Variants in CETN3 observed in about 807,000 individuals in gnomAD.
CETN3 encodes the protein centrin 3, also known as centrin-3.
In CETN3, 17 loss-of-function variants were observed where a neutral mutation model predicts 20.1. The ratio of observed to expected loss-of-function variants is 0.85; its 90% CI spans 0.58 to 1.27. The LOEUF (loss-of-function observed/expected upper bound fraction) is 1.27. CETN3 is among the 50% of genes most tolerant of loss of function. CETN3 has a pLI of 0.00. For missense variants in CETN3, 169 were observed against 191.2 expected (o/e 0.88, Z 0.69); for synonymous variants, 52 against 59.7 (o/e 0.87, Z 0.59).
At chr5:90,403,863 T>G (rs1749365833) in intron 3 of CETN3, among the ~76,000 whole-genome samples, 1 of 105,672 alleles carries the variant, frequency 9.5e-6, no homozygotes, top group Admixed American at 1.2e-4. Flanking sequence ...AGAGCGAGAC[T>G]CTGTCTCAAA....
At chr5:90,394,293 T>C (rs1749090993) in intron 4 of CETN3, among the ~76,000 whole-genome samples, 186 bp from the exon 5 acceptor site, 1 of 152,066 alleles carries the variant, frequency 6.6e-6, no homozygotes, top group Non-Finnish European at 1.5e-5. Flanking sequence ...ATGTAACTTC[T>C]TGGATGCAAA....
intron 1 of CETN3, among the ~76,000 whole-genome samples, chr5:90,409,029 G>A (rs150829238): frequency 6.6e-6 from 1 of 152,196 alleles, no homozygotes; most frequent in East Asian, 1.9e-4. Flanking sequence ...TCGGAGTGTC[G>A]TAAGTGTATG....
intron 4 of CETN3, chr5:90,395,842 G>A (rs368350452): frequency 8.0e-6 from 7 of 879,884 alleles, no homozygotes; most frequent in East Asian, 2.4e-4. Context: ...AAAAAATGTT[G>A]AGGAGATAAA....
chr5:90,407,856 C>G (rs1442299584), intron 1 of CETN3, 22 bp from the exon 2 acceptor site: 1 of 1,542,544 alleles, frequency 6.5e-7, no homozygotes, highest in South Asian at 1.3e-5. Context: ...AAAGAAAAAG[C>G]CCTTAGTCCA....
chr5:90,397,707 T>A (rs1417723951), intron 4 of CETN3, among the ~76,000 whole-genome samples: 1 of 152,138 alleles, frequency 6.6e-6, no homozygotes, highest in Non-Finnish European at 1.5e-5. Flanking sequence ...AATATTACGT[T>A]TAAAAGCACA....
At chr5:90,394,267 G>A (rs537857012) in intron 4 of CETN3, among the ~76,000 whole-genome samples, 160 bp from the exon 5 acceptor site, 7 of 151,890 alleles carry the variant, frequency 4.6e-5, no homozygotes, top group Non-Finnish European at 8.8e-5. Flanking sequence ...GTTAGGAAGT[G>A]GAACATGTTT....
chr5:90,399,301 T>C, intron 4 of CETN3, 57 bp downstream of exon 4: 1 of 1,536,178 alleles, frequency 6.5e-7, no homozygotes, highest in South Asian at 1.1e-5. Flanking sequence ...TTTAGAAAAA[T>C]GTATTACATG....
chr5:90,400,147 T>C (rs1182215722), intron 3 of CETN3, among the ~76,000 whole-genome samples: 1 of 152,102 alleles, frequency 6.6e-6, no homozygotes, highest in African/African-American at 2.4e-5. Flanking sequence ...TTTTCCAAAA[T>C]TTACAAAGTA....
At chr5:90,409,369 C>T (rs1221180383) in intron 1 of CETN3, among the ~76,000 whole-genome samples, 1 of 152,156 alleles carries the variant, frequency 6.6e-6, no homozygotes, top group Non-Finnish European at 1.5e-5. Context: ...TATTTCATTC[C>T]CACCTCGCTC....
chr5:90,409,749 C>G lies in CETN3; in HGVS notation c.-88G>C, dbSNP rs909216925. 1.1e-5 allele frequency: 16 copies of G among 1,501,818 alleles called. No individual in the cohort carries two copies. Among genetic ancestry groups the G allele is most frequent in the Admixed American group, 3.3e-5 (2 of 59,748 alleles). The allele number at this position is 1,501,818 out of a possible 1,614,324, so 93.0% of individuals were successfully genotyped here. On this transcript the variant is annotated 5_prime_UTR_variant, in exon 1 of 5. Transcript: ENST00000283122. ...GACGCCCACAGCCGTTCAACAGACA[C>G]GAACGACCTCAGCGGCCTCAGGGAC... is the stretch of plus-strand genomic sequence containing the variant.
chr5:90,399,954 C>T (rs917577356), intron 3 of CETN3, among the ~76,000 whole-genome samples: 3 of 152,180 alleles, frequency 2.0e-5, no homozygotes, highest in Admixed American at 2.0e-4. Context: ...TTGGAGCTAA[C>T]TAAATAAAAG....
In CETN3 at chr5:90,392,453, A is replaced by G. The variant is rs959378160; in HGVS notation, c.*1611T>C. On this transcript the variant is annotated 3_prime_UTR_variant, in exon 5 of 5. Transcript: ENST00000283122. ...TAGTTAACCTGCTGATATAGTTTGT[A>G]TATCTGTCCCCACTCAAATATCATG... 4.6e-5 allele frequency: 7 copies of G among 152,184 alleles called. No homozygotes were observed. The highest frequency in any genetic ancestry group is 1.4e-4 in the African/African-American group (6 of 41,444). The allele number at this position is 152,184 out of a possible 1,614,324, so 9.4% of individuals were successfully genotyped here.
intron 3 of CETN3, among the ~76,000 whole-genome samples, chr5:90,405,063 A>T (rs927633279): frequency 1.3e-5 from 2 of 152,154 alleles, no homozygotes; most frequent in Non-Finnish European, 2.9e-5. Flanking sequence ...CCTATGACAC[A>T]TTATCTTCAG....
At chr5:90,406,840 C>CAAAA (rs762527758) in intron 2 of CETN3, among the ~76,000 whole-genome samples, 11 of 61,712 alleles carry the variant, frequency 1.8e-4, no homozygotes, top group East Asian at 9.6e-4. Context: ...TCTGGGTAAC[C>CAAAA]AAAAAAAAAA....
intron 3 of CETN3, among the ~76,000 whole-genome samples, chr5:90,402,227 G>A (rs141190622): frequency 6.6e-6 from 1 of 152,112 alleles, no homozygotes; most frequent in Non-Finnish European, 1.5e-5. Flanking sequence ...TCTGTCTGCA[G>A]TCTCTCTTCC....
intron 3 of CETN3, among the ~76,000 whole-genome samples, chr5:90,402,102 T>C (rs1357624584): frequency 3.9e-5 from 6 of 152,218 alleles, no homozygotes; most frequent in Non-Finnish European, 8.8e-5. Context: ...TCCTCCCGCC[T>C]TGACCTCCCA....
intron 2 of CETN3, among the ~76,000 whole-genome samples, chr5:90,406,424 G>A (rs16868636): frequency 0.012 from 1,794 of 151,652 alleles, 35 homozygotes; most frequent in African/African-American, 0.041. Context: ...GAATAGGTTC[G>A]AAGGACAATG....
chr5:90,403,711 A>C (rs1196201008), intron 3 of CETN3, among the ~76,000 whole-genome samples: 1 of 150,750 alleles, frequency 6.6e-6, no homozygotes, highest in Admixed American at 6.6e-5. Context: ...CTCTACTAAA[A>C]ATACAAAAAA....
In CETN3 at chr5:90,405,800, C is replaced by T. The variant is rs776639285; in HGVS notation, c.154-1G>A. The T allele has an allele frequency of 6.3e-7, 1 of 1,590,074 alleles. No individual in the cohort carries two copies. Among genetic ancestry groups the T allele is most frequent in the Non-Finnish European group, 8.6e-7 (1 of 1,166,224 alleles). Reference sequence around the variant, plus strand: ...CAAACCCCAAGGCTCTCATTGCCACCTTTTGGATTAAAAAGGAAAAGCAAA... The same window carrying T: ...CAAACCCCAAGGCTCTCATTGCCACTTTTTGGATTAAAAAGGAAAAGCAAA... On this transcript the variant is annotated splice_acceptor_variant, in intron 2 of 4. Transcript: ENST00000283122. LOFTEE classifies it high-confidence loss of function.
Sources: gnomAD v4.1 joint callset for allele counts (sites outside exome capture counted in the v4.1 genomes callset) on GRCh38, gnomAD v4.1.1 for gene constraint, MANE v1.5 for transcripts, NCBI Gene and HGNC (gene_info 2026-07-23, HGNC 2026-07-21) for gene names.